DPP6: variants seen among roughly 807,000 people sequenced by gnomAD.
DPP6 encodes dipeptidyl peptidase like 6.
In DPP6, 69 loss-of-function variants were observed where a neutral mutation model predicts 122.6. The observed-to-expected ratio is 0.56, with a 90% confidence interval of 0.46 to 0.69. DPP6 has a LOEUF of 0.69. DPP6 is among the 30% of genes least tolerant of loss of function. The pLI, the probability that DPP6 is intolerant of heterozygous loss-of-function variation, is 0.00. For missense variants in DPP6, 928 were observed against 1,116.9 expected, an observed-to-expected ratio of 0.83 and a Z score of 2.41; for synonymous variants, 418 against 433.1, an observed-to-expected ratio of 0.97 and a Z score of 0.43.
intron 1 of DPP6, among the ~76,000 whole-genome samples, chr7:154,316,998 G>A (rs1807486866): frequency 6.6e-6 from 1 of 152,134 alleles, no homozygotes; most frequent in Admixed American, 6.5e-5. Flanking sequence ...ACTGTTACCA[G>A]TATGGTAATT....
At chr7:153,871,254 G>A in the DPP6 span, among the ~76,000 whole-genome samples, 1 of 152,248 alleles carries the variant, frequency 6.6e-6, no homozygotes, top group Non-Finnish European at 1.5e-5. Context: ...CAGAGGTGGA[G>A]CCTGTAGAGG....
chr7:154,516,033 T>C (rs1039578666), intron 3 of DPP6, among the ~76,000 whole-genome samples: 1 of 152,224 alleles, frequency 6.6e-6, no homozygotes, highest in African/African-American at 2.4e-5. Flanking sequence ...CTACCTTTTC[T>C]GATTTCTTTT....
At chr7:154,074,324 G>C (rs1292443293) in intron 1 of DPP6, among the ~76,000 whole-genome samples, 2 of 151,872 alleles carry the variant, frequency 1.3e-5, no homozygotes, top group Non-Finnish European at 2.9e-5. Flanking sequence ...AAAATAGGTA[G>C]GAGCAAATAT....
chr7:154,336,709 T>G (rs571738961), intron 1 of DPP6, among the ~76,000 whole-genome samples: 1 of 152,244 alleles, frequency 6.6e-6, no homozygotes, highest in East Asian at 1.9e-4. Flanking sequence ...GGAAGCAGCA[T>G]GGAAGCGGCT....
chr7:153,966,947 G>C (rs1375523925), intron 1 of DPP6, among the ~76,000 whole-genome samples: 1 of 151,330 alleles, frequency 6.6e-6, no homozygotes. Flanking sequence ...TCTGCCTGTA[G>C]TCCCAGCTAC....
intron 5 of DPP6, 120 bp downstream of exon 5, chr7:154,567,036 T>A: frequency 1.4e-6 from 1 of 730,726 alleles, no homozygotes; most frequent in Non-Finnish European, 2.2e-6. Flanking sequence ...ACTTTGTACA[T>A]CCTGGAAGTC....
chr7:153,862,864 C>T, the DPP6 span, among the ~76,000 whole-genome samples: 1 of 151,620 alleles, frequency 6.6e-6, no homozygotes, highest in Non-Finnish European at 1.5e-5. Context: ...CTATTTAAAG[C>T]AAATATCATC....
intron 5 of DPP6, among the ~76,000 whole-genome samples, chr7:154,595,156 T>C (rs1833019403): frequency 1.3e-5 from 2 of 152,136 alleles, no homozygotes; most frequent in South Asian, 4.1e-4. Context: ...CTGCTTTGCT[T>C]TCCTTTCCTG....
the DPP6 span, among the ~76,000 whole-genome samples, chr7:153,770,431 T>C: frequency 6.6e-6 from 1 of 152,008 alleles, no homozygotes; most frequent in African/African-American, 2.4e-5. Context: ...CTGATAAATC[T>C]GAGGCCAGTG....
intron 7 of DPP6, among the ~76,000 whole-genome samples, chr7:154,716,998 T>TA (rs202021514): frequency 0.012 from 1,779 of 152,230 alleles, 74 homozygotes; most frequent in Admixed American, 0.087. Flanking sequence ...AACGCACAGC[T>TA]AATTTTGTAT....
chr7:154,220,904 T>C (rs1451143084), intron 1 of DPP6, among the ~76,000 whole-genome samples: 1 of 151,994 alleles, frequency 6.6e-6, no homozygotes, highest in African/African-American at 2.4e-5. Context: ...CTTCTGTGAG[T>C]GGGTTTTGGG....
chr7:154,826,282 C>G (rs1800136109), intron 16 of DPP6, among the ~76,000 whole-genome samples: 1 of 152,196 alleles, frequency 6.6e-6, no homozygotes, highest in African/African-American at 2.4e-5. Flanking sequence ...TCTCTGTCTT[C>G]CTATACCACT....
At chr7:154,572,193 G>A (rs1831151801) in intron 5 of DPP6, among the ~76,000 whole-genome samples, 2 of 152,114 alleles carry the variant, frequency 1.3e-5, no homozygotes, top group Non-Finnish European at 2.9e-5. Context: ...AGTTGATAGA[G>A]CCCATTTTGC....
intron 3 of DPP6, among the ~76,000 whole-genome samples, chr7:154,494,939 CAGA>C (rs1259394447): frequency 6.6e-6 from 1 of 152,158 alleles, no homozygotes; most frequent in African/African-American, 2.4e-5. Context: ...GAGATACAGA[CAGA>C]GGAGGGAGAA....
At chr7:154,578,544 G>C (rs1831838080) in intron 5 of DPP6, among the ~76,000 whole-genome samples, 1 of 151,446 alleles carries the variant, frequency 6.6e-6, no homozygotes, top group South Asian at 2.1e-4. Flanking sequence ...GCTTTGGTGA[G>C]GCATCAGCTG....
chr7:154,416,131 C>T (rs1816991645), intron 1 of DPP6, among the ~76,000 whole-genome samples: 2 of 152,126 alleles, frequency 1.3e-5, no homozygotes, highest in African/African-American at 4.8e-5. Context: ...AAATCTCACA[C>T]CGTCCTGCTC....
At chr7:154,408,688 AAT>A (rs1816329641) in intron 1 of DPP6, among the ~76,000 whole-genome samples, 1 of 151,540 alleles carries the variant, frequency 6.6e-6, no homozygotes, top group Admixed American at 6.6e-5. Flanking sequence ...TCCAGACCCT[AAT>A]GCTGAGTTCC....
chr7:153,995,440 G>T (rs1026279847), intron 1 of DPP6, among the ~76,000 whole-genome samples: 12 of 152,114 alleles, frequency 7.9e-5, no homozygotes, highest in Admixed American at 7.9e-4. Flanking sequence ...CAAAAAATTA[G>T]CCAGGGGTGG....
At chr7:154,482,488 C>A (rs964516843) in intron 3 of DPP6, among the ~76,000 whole-genome samples, 2 of 152,066 alleles carry the variant, frequency 1.3e-5, no homozygotes, top group African/African-American at 4.8e-5. Flanking sequence ...CAGAGATTAA[C>A]ACAAATTTAA....
Sources: gnomAD v4.1 joint callset for allele counts (sites outside exome capture counted in the v4.1 genomes callset) on GRCh38, gnomAD v4.1.1 for gene constraint, MANE v1.5 for transcripts, NCBI Gene and HGNC (gene_info 2026-07-23, HGNC 2026-07-21) for gene names.